Variants in CEP83 observed in about 807,000 individuals in gnomAD.
CEP83 encodes centrosomal protein 83, also known as centrosomal protein of 83 kDa.
A neutral mutation model predicts 101.9 loss-of-function variants in CEP83; 70 were observed. The observed-to-expected ratio is 0.69, with a 90% CI of 0.57 to 0.84. CEP83 has a LOEUF of 0.84. Ranked by LOEUF, CEP83 falls within the 40% of genes least tolerant of loss-of-function variation. The pLI is 0.00. For missense variants in CEP83, 715 were observed against 787.2 expected (o/e 0.91, Z 1.10); for synonymous variants, 264 against 267.9 (o/e 0.99, Z 0.14).
intron 11 of CEP83, among the ~76,000 whole-genome samples, chr12:94,366,077 G>T (rs1392080014): frequency 1.3e-5 from 2 of 151,684 alleles, no homozygotes; most frequent in Non-Finnish European, 2.9e-5. Flanking sequence ...AGGGAAATGG[G>T]AACAGGGTAG....
intron 1 of CEP83, among the ~76,000 whole-genome samples, chr12:94,446,667 C>A (rs1348860684): frequency 6.6e-6 from 1 of 152,006 alleles, no homozygotes. Context: ...GAGATCATGC[C>A]ACTGCACTCC....
intron 2 of CEP83, among the ~76,000 whole-genome samples, chr12:94,413,606 T>C (rs1162369447): frequency 6.6e-6 from 1 of 152,140 alleles, no homozygotes; most frequent in Admixed American, 6.5e-5. Flanking sequence ...GAGAAATTTG[T>C]CAACACATAA....
At chr12:94,279,751 TCAGTGACACTTACA>T in the CEP83 span, 1 of 1,023,988 alleles carries the variant, frequency 9.8e-7, no homozygotes, top group Non-Finnish European at 1.5e-6. Flanking sequence ...CAGCTTCCAT[TCAGTGACACTTACA>T]CAGCCAGGTT....
intron 5 of CEP83, 106 bp downstream of exon 5, chr12:94,403,064 T>G (rs1314938904): frequency 1.6e-6 from 1 of 617,052 alleles, no homozygotes; most frequent in Non-Finnish European, 2.9e-6. Context: ...AATGACTGAG[T>G]AAAAGGGGGA....
rs966972654 is a variant in CEP83, at chr12:94,450,849, C to A, written c.-155+8708G>T. On this transcript the variant is annotated intron_variant, in intron 1 of 16. Transcript: ENST00000397809. ...TCAGATGTGTTTTTGTAGAAATTAA[C>A]AAGCTGATCCTAAATTGTATATGGA... 9.9e-5 allele frequency among the ~76,000 whole-genome samples: 15 copies of A among 152,096 alleles called. No individual in the cohort carries two copies. In the South Asian group the frequency reaches 2.5e-3, roughly 25 times the overall value.
the CEP83 span, among the ~76,000 whole-genome samples, chr12:94,275,721 G>A: frequency 1.5e-5 from 2 of 129,300 alleles, 1 homozygote; most frequent in African/African-American, 6.1e-5. Flanking sequence ...CGGGCGTAGT[G>A]GCGGGCGCCT....
At chr12:94,404,613 G>A (rs957913779) in intron 4 of CEP83, among the ~76,000 whole-genome samples, 7 of 152,068 alleles carry the variant, frequency 4.6e-5, no homozygotes, top group African/African-American at 1.7e-4. Flanking sequence ...GGAAAATTAG[G>A]TTGCAGCCAA....
In CEP83 at chr12:94,386,686, T is replaced by C. The variant is rs373902401; in HGVS notation, c.550-7644A>G. On this transcript the variant is annotated intron_variant, in intron 6 of 16. Coordinates refer to ENST00000397809, the MANE Select transcript of CEP83 (RefSeq NM_016122.3). ...TTCCTATTTTTGTCCCAGTTTTCAG[T>C]AAACGCCTTAAAGTAAATTCCATCC... Among the ~76,000 whole-genome samples, 9 of 152,270 alleles carry C rather than the reference T, an allele frequency of 5.9e-5. No individual in the cohort carries two copies. In the East Asian group the frequency reaches 9.6e-4, roughly 16 times the overall value.
chr12:94,424,250 C>G lies in CEP83; in HGVS notation c.-102+11025G>C, dbSNP rs1452993960. 9 of 1,614,052 alleles carry G rather than the reference C, an allele frequency of 5.6e-6. No individual in the cohort carries two copies. In the East Asian group the frequency reaches 8.9e-5, roughly 16 times the overall value. On this transcript the variant is annotated intron_variant, in intron 2 of 16. Transcript: ENST00000397809. ...GGCCATGATGCCCATGTCTCCATTC[C>G]TTGGCCAAGCCCGTCCATTTTGCAC...
chr12:94,440,965 A>AT (rs1300832962), intron 1 of CEP83, among the ~76,000 whole-genome samples: 1 of 152,246 alleles, frequency 6.6e-6, no homozygotes, highest in East Asian at 1.9e-4. Context: ...TGCTGGGACA[A>AT]TTGACAAGCC....
At chr12:94,361,667 C>T (rs2060768512) in intron 11 of CEP83, 1 of 152,024 alleles carries the variant, frequency 6.6e-6, no homozygotes, top group Non-Finnish European at 1.5e-5. Context: ...GAAGAGACAA[C>T]CTATACAATG....
Position 94,366,345 on chromosome 12 carries a change from A to G in CEP83, c.1343+1449T>C, listed in dbSNP as rs74893429. Among the ~76,000 whole-genome samples the G allele has an allele frequency of 2.9e-4, 44 of 152,324 alleles. 1 individual carries two copies. The highest frequency in any genetic ancestry group is 1.0e-3 in the African/African-American group (42 of 41,588). On this transcript the variant is annotated intron_variant, in intron 11 of 16. Coordinates refer to ENST00000397809, the MANE Select transcript of CEP83 (RefSeq NM_016122.3). ...ATCCTAAGTAACTTTGGAAAATAAT[A>G]TTTTGACTATATACTCTAAGGCTAA...
chr12:94,306,468 C>CTGATTTTTTAATTCCTG (rs1222311727), downstream of CEP83: 1 of 152,076 alleles, frequency 6.6e-6, no homozygotes, highest in Non-Finnish European at 1.5e-5. Context: ...CTTTTTAGTG[C>CTGATTTTTTAATTCCTG]TGATTTTTTA....
the CEP83 span, among the ~76,000 whole-genome samples, chr12:94,293,259 G>A: frequency 1.3e-5 from 2 of 152,146 alleles, no homozygotes; most frequent in Non-Finnish European, 2.9e-5. Flanking sequence ...TTTCCAGTAT[G>A]GGACAATTAC....
chr12:94,314,064 C>T (rs1014079822), intron 14 of CEP83, among the ~76,000 whole-genome samples: 7 of 151,950 alleles, frequency 4.6e-5, no homozygotes, highest in Admixed American at 6.6e-5. Context: ...TTAAACAATA[C>T]GGAAAAGTCC....
At chr12:94,283,682 C>T in the CEP83 span, among the ~76,000 whole-genome samples, 3 of 152,166 alleles carry the variant, frequency 2.0e-5, no homozygotes, top group Non-Finnish European at 4.4e-5. Context: ...GAGATGAAAT[C>T]ATAGGAAGTC....
At chr12:94,452,267 C>T (rs1356284934) in intron 1 of CEP83, among the ~76,000 whole-genome samples, 1 of 152,030 alleles carries the variant, frequency 6.6e-6, no homozygotes, top group South Asian at 2.1e-4. Context: ...TGATGACAGT[C>T]GCACAACTCT....
chr12:94,443,949 G>C (rs1246193122), intron 1 of CEP83, among the ~76,000 whole-genome samples: 2 of 152,126 alleles, frequency 1.3e-5, no homozygotes, highest in African/African-American at 4.8e-5. Context: ...CCAGTAAACT[G>C]TTAATGACAG....
chr12:94,374,178 T>C (rs1173134845), intron 8 of CEP83, among the ~76,000 whole-genome samples: 1 of 151,926 alleles, frequency 6.6e-6, no homozygotes, highest in Non-Finnish European at 1.5e-5. Flanking sequence ...AGAGTATATA[T>C]ATATGGAAAA....
Sources: gnomAD v4.1 joint callset for allele counts (sites outside exome capture counted in the v4.1 genomes callset) on GRCh38, gnomAD v4.1.1 for gene constraint, MANE v1.5 for transcripts, NCBI Gene and HGNC (gene_info 2026-07-23, HGNC 2026-07-21) for gene names.